Variants in CNIH3 observed in about 807,000 individuals in gnomAD.
CNIH3 encodes protein cornichon homolog 3.
A neutral mutation model predicts 24.1 loss-of-function variants in CNIH3; 14 were observed. The ratio of observed to expected loss-of-function variants is 0.58; its 90% CI spans 0.38 to 0.91. CNIH3 has a LOEUF of 0.91. CNIH3 is among the 40% of genes least tolerant of loss of function. CNIH3 has a pLI of 0.00. For missense variants in CNIH3, 178 were observed against 196.8 expected, an observed-to-expected ratio of 0.90 and a Z score of 0.57; for synonymous variants, 68 against 73.8, an observed-to-expected ratio of 0.92 and a Z score of 0.40.
At chr1:224,484,616 T>C (rs1676956726) in intron 1 of CNIH3, among the ~76,000 whole-genome samples, 1 of 152,186 alleles carries the variant, frequency 6.6e-6, no homozygotes, top group African/African-American at 2.4e-5. Flanking sequence ...CAAATATTTT[T>C]ATGTCCCCAT....
intron 1 of CNIH3, among the ~76,000 whole-genome samples, chr1:224,447,783 C>G (rs1450354767): frequency 6.6e-6 from 1 of 152,204 alleles, no homozygotes; most frequent in East Asian, 1.9e-4. Flanking sequence ...TATTCAGTGC[C>G]TGCTCTGCTT....
At chr1:224,673,229 GCAAA>G (rs1685957773) in intron 1 of CNIH3, among the ~76,000 whole-genome samples, 2 of 152,182 alleles carry the variant, frequency 1.3e-5, no homozygotes, top group South Asian at 4.1e-4. Flanking sequence ...ACCACAAGCA[GCAAA>G]CACAGTCCTG....
At chr1:224,647,242 C>T (rs184459563) in intron 1 of CNIH3, among the ~76,000 whole-genome samples, 2 of 152,262 alleles carry the variant, frequency 1.3e-5, no homozygotes, top group Admixed American at 1.3e-4. Context: ...TTCGGCATCC[C>T]AAAGTGCCGT....
At chr1:224,451,051 A>G (rs958266308) in intron 1 of CNIH3, among the ~76,000 whole-genome samples, 1 of 152,208 alleles carries the variant, frequency 6.6e-6, no homozygotes, top group Non-Finnish European at 1.5e-5. Context: ...GAAAAACAAG[A>G]TGCCATGTCT....
intron 4 of CNIH3, among the ~76,000 whole-genome samples, chr1:224,570,461 C>T (rs1200537519): frequency 6.6e-6 from 1 of 152,210 alleles, no homozygotes; most frequent in East Asian, 1.9e-4. Context: ...GGATAATGGC[C>T]TCCAGCTGCA....
intron 1 of CNIH3, among the ~76,000 whole-genome samples, chr1:224,470,454 A>G (rs1332134372): frequency 6.6e-6 from 1 of 151,748 alleles, no homozygotes; most frequent in African/African-American, 2.4e-5. Context: ...ACCTAGGGCT[A>G]CAGGTGTGTG....
intron 4 of CNIH3, 160 bp downstream of exon 4, chr1:224,730,734 CAACA>C: frequency 1.8e-6 from 1 of 560,304 alleles, no homozygotes. Context: ...TGCTCTTAGG[CAACA>C]AGTCCAATAA....
rs115464588 is a variant in CNIH3, at chr1:224,585,209, G to A, written n.620+1942G>A. Among the ~76,000 whole-genome samples the A allele has an allele frequency of 9.6e-3, 1,457 of 152,184 alleles. 28 individuals carry two copies. The highest frequency in any genetic ancestry group is 0.033 in the African/African-American group (1,358 of 41,520). On this transcript the variant is annotated intron_variant and non_coding_transcript_variant, in intron 5 of 5. Transcript: ENST00000471578. ...TTTGTTCATAATGCCTTCCTTGCCC[G>A]TTTCCCTAGATCGAATCCTACTCGC...
intron 3 of CNIH3, among the ~76,000 whole-genome samples, chr1:224,705,066 C>T (rs1005675186): frequency 5.3e-5 from 8 of 151,612 alleles, no homozygotes; most frequent in Non-Finnish European, 1.2e-4. Context: ...TGCAGTGAGC[C>T]GAGATCACAC....
chr1:224,669,745 A>G (rs1366234821), intron 1 of CNIH3, among the ~76,000 whole-genome samples: 2 of 152,196 alleles, frequency 1.3e-5, no homozygotes, highest in African/African-American at 4.8e-5. Context: ...ACATTATTTC[A>G]TTTAATCCTC....
At chr1:224,629,731 A>G (rs900068157) in intron 1 of CNIH3, among the ~76,000 whole-genome samples, 1 of 151,900 alleles carries the variant, frequency 6.6e-6, no homozygotes, top group East Asian at 2.0e-4. Context: ...TACAGGCAGA[A>G]ACTCTTGGTC....
At chr1:224,574,196 A>G (rs756050813) in intron 4 of CNIH3, among the ~76,000 whole-genome samples, 1 of 152,076 alleles carries the variant, frequency 6.6e-6, no homozygotes, top group African/African-American at 2.4e-5. Flanking sequence ...GTGGGTCCCT[A>G]TGGCCATAAT....
rs577535628 is a variant in CNIH3 at position 224,616,972 on chromosome 1, G to A, written c.-203G>A. The A allele has an allele frequency of 4.1e-4, 571 of 1,395,094 alleles. 6 individuals carry two copies. The East Asian group carries it at 0.014, about 33-fold the overall frequency. The allele number at this position is 1,395,094 out of a possible 1,614,324, so 86.4% of individuals were successfully genotyped here. The stretch of plus-strand genomic sequence containing the variant: ...GTTTTCCTGTCTTCGCCGGAGGGCC[G>A]GGTCTGGGGTCGCCGGAGCCTGCGG... On this transcript the variant is annotated 5_prime_UTR_variant, in exon 1 of 6. Transcript: ENST00000272133.
At chr1:224,734,518 G>C in intron 4 of CNIH3, 45 bp from the exon 5 acceptor site, 2 of 1,604,344 alleles carry the variant, frequency 1.2e-6, no homozygotes, top group Non-Finnish European at 1.7e-6. Context: ...GGTTACGCCA[G>C]AAGTACCAGG....
intron 5 of CNIH3, among the ~76,000 whole-genome samples, chr1:224,585,637 T>G (rs940704014): frequency 2.6e-5 from 4 of 151,264 alleles, no homozygotes; most frequent in Non-Finnish European, 4.4e-5. Flanking sequence ...TCACCACACC[T>G]GGATAATTTA....
chr1:224,476,486 A>G (rs1234796584), intron 1 of CNIH3, among the ~76,000 whole-genome samples: 2 of 152,252 alleles, frequency 1.3e-5, no homozygotes, highest in Non-Finnish European at 2.9e-5. Context: ...TACAATAGCT[A>G]CAAATAAATT....
chr1:224,580,243 T>C (rs1411346234), intron 4 of CNIH3, among the ~76,000 whole-genome samples: 1 of 152,190 alleles, frequency 6.6e-6, no homozygotes, highest in Non-Finnish European at 1.5e-5. Context: ...CAAAGGTACC[T>C]GGGCTGGTTT....
At chr1:224,681,991 AG>A (rs1209590235) in intron 2 of CNIH3, among the ~76,000 whole-genome samples, 2 of 152,172 alleles carry the variant, frequency 1.3e-5, no homozygotes, top group Non-Finnish European at 2.9e-5. Context: ...GAAGTCGTAG[AG>A]AGAACAACAG....
At chr1:224,653,940 G>A (rs1329581556) in intron 1 of CNIH3, among the ~76,000 whole-genome samples, 1 of 152,114 alleles carries the variant, frequency 6.6e-6, no homozygotes, top group Non-Finnish European at 1.5e-5. Context: ...AATTAGCTGG[G>A]ACTGCAGGCA....
Sources: gnomAD v4.1 joint callset for allele counts (sites outside exome capture counted in the v4.1 genomes callset) on GRCh38, gnomAD v4.1.1 for gene constraint, MANE v1.5 for transcripts, NCBI Gene and HGNC (gene_info 2026-07-23, HGNC 2026-07-21) for gene names.